The following LAMA4 variants were observed in gnomAD, a reference collection of about 807,000 sequenced individuals.
LAMA4 encodes the protein laminin subunit alpha-4.
A neutral mutation model predicts 207.1 loss-of-function variants in LAMA4; 127 were observed. That is an observed-to-expected ratio of 0.61 (90% CI 0.53 to 0.71). The LOEUF (loss-of-function observed/expected upper bound fraction) is 0.71, where lower values mean the gene tolerates loss of function less well. LAMA4 is among the 30% of genes least tolerant of loss of function. The pLI is 0.00. For synonymous variants in LAMA4, 761 were observed against 816.0 expected (o/e 0.93, Z 1.15); for missense variants, 2,093 against 2,246.5 (o/e 0.93, Z 1.38).
At chr6:112,140,013 C>T (rs558687490) in intron 22 of LAMA4, 128 bp from the exon 23 acceptor site, 203 of 910,104 alleles carry the variant, frequency 2.2e-4, no homozygotes, top group Non-Finnish European at 3.2e-4. Flanking sequence ...TTTCTAGACC[C>T]GAGTGTGTTT....
At chr6:112,159,871 C>T (rs1283942694) in intron 13 of LAMA4, among the ~76,000 whole-genome samples, 1 of 152,120 alleles carries the variant, frequency 6.6e-6, no homozygotes, top group African/African-American at 2.4e-5. Context: ...TGCTCAACTC[C>T]ACCCTTCTTT....
chr6:112,137,134 G>A (rs1554331830), intron 24 of LAMA4, among the ~76,000 whole-genome samples: 1 of 152,102 alleles, frequency 6.6e-6, no homozygotes, highest in Non-Finnish European at 1.5e-5. Context: ...TGATGTTTAA[G>A]AATCAAAGAA....
At chr6:112,229,072 G>T (rs1785396982) in intron 2 of LAMA4, among the ~76,000 whole-genome samples, 1 of 152,134 alleles carries the variant, frequency 6.6e-6, no homozygotes, top group Non-Finnish European at 1.5e-5. Flanking sequence ...AATTTCAAAG[G>T]CTCATTGAAA....
chr6:112,109,320 T>G lies in LAMA4; in HGVS notation c.*117A>C, dbSNP rs936598654. 9.1e-7 allele frequency: 1 copy of G among 1,096,344 alleles called. No homozygotes were observed. The highest frequency in any genetic ancestry group is 1.4e-6 in the Non-Finnish European group (1 of 733,692). 67.9% of individuals were successfully genotyped at this position (1,096,344 alleles called of 1,614,324 possible). On this transcript the variant is annotated 3_prime_UTR_variant, in exon 39 of 39. Transcript: ENST00000230538. Reference sequence around the variant, plus strand: ...GGTCCCTGATGATTCGTTTAAGTCCTGTTCAACTCGATGAAAGCTTCCACC... The same window carrying G: ...GGTCCCTGATGATTCGTTTAAGTCCGGTTCAACTCGATGAAAGCTTCCACC...
At chr6:112,250,593 C>T (rs545201683) in intron 2 of LAMA4, among the ~76,000 whole-genome samples, 1 of 152,292 alleles carries the variant, frequency 6.6e-6, no homozygotes. Flanking sequence ...AATTGTATCC[C>T]TTATTCTATC....
At position 112,172,754 on chromosome 6, in the gene LAMA4, G is replaced by C. The variant is rs782742484; in HGVS notation, c.1408C>G (p.Leu470Val). 1.9e-6 allele frequency: 3 copies of C among 1,614,014 alleles called. No homozygotes were observed. The highest frequency in any genetic ancestry group is 1.3e-5 in the African/African-American group (1 of 74,934). ...AGCTGCTCCAGGACGACAGGAAACA[G>C]AGTGCGGGTCTCATTGTGCAGCCGC... ...WQRLHNETRTLFPVVLEQLDD... is the reference protein window; with the variant it reads ...WQRLHNETRTVFPVVLEQLDD... The change falls in exon 12 of 39, where the codon CTG becomes GTG. Residue 470 changes from leucine (L) to valine (V), a missense_variant. Coordinates refer to ENST00000230538, the MANE Select transcript of LAMA4 (RefSeq NM_001105206.3).
chr6:112,164,118 G>A (rs1781250815), intron 13 of LAMA4: 1 of 152,306 alleles, frequency 6.6e-6, no homozygotes, highest in Non-Finnish European at 1.5e-5. Flanking sequence ...CAGCTGCTCT[G>A]GTATGGCCAT....
At chr6:112,164,059 C>T (rs1424695129) in intron 13 of LAMA4, 1 of 152,266 alleles carries the variant, frequency 6.6e-6, no homozygotes, top group East Asian at 1.9e-4. Context: ...GAAGCCAAGT[C>T]ACCAGGCAGA....
intron 12 of LAMA4, among the ~76,000 whole-genome samples, chr6:112,167,417 A>C (rs1239231556): frequency 6.6e-6 from 1 of 152,144 alleles, no homozygotes; most frequent in Admixed American, 6.5e-5. Flanking sequence ...AACAACAACA[A>C]ACCCACTTAA....
At chr6:112,197,433 G>A (rs1329017330) in intron 5 of LAMA4, among the ~76,000 whole-genome samples, 12 of 152,152 alleles carry the variant, frequency 7.9e-5, no homozygotes, top group African/African-American at 2.7e-4. Context: ...TCGCGAATTT[G>A]CATGTAACAT....
chr6:112,184,997 C>G (rs1326019228), intron 9 of LAMA4, among the ~76,000 whole-genome samples: 3 of 152,308 alleles, frequency 2.0e-5, no homozygotes, highest in Non-Finnish European at 4.4e-5. Context: ...ACCGCAAATA[C>G]ACAGAAAATT....
In LAMA4 at chr6:112,117,697, G is replaced by A; in HGVS notation, c.4981+42C>T. 1.3e-6 allele frequency: 2 copies of A among 1,575,284 alleles called. No individual in the cohort carries two copies. The highest frequency in any genetic ancestry group is 8.7e-7 in the Non-Finnish European group (1 of 1,149,854). On this transcript the variant is annotated intron_variant, in intron 35 of 38. Coordinates refer to ENST00000230538, the MANE Select transcript of LAMA4 (RefSeq NM_001105206.3). This position sits in a 1 kb window ranked among gnomAD's most constrained non-coding sequence, Gnocchi z 4.5. Reference sequence around the variant, plus strand: ...ATTCCCTGTTAGCCATCTCCAGGAAGAAGCATTTCATGACTCATATTTTTA... The same window carrying A: ...ATTCCCTGTTAGCCATCTCCAGGAAAAAGCATTTCATGACTCATATTTTTA...
At chr6:112,226,033 C>T (rs2115105751) in intron 2 of LAMA4, among the ~76,000 whole-genome samples, 1 of 152,260 alleles carries the variant, frequency 6.6e-6, no homozygotes, top group Admixed American at 6.5e-5. Context: ...AGAGTTTATG[C>T]TCTGCCTCTG....
chr6:112,241,140 T>TATATATATTTATATATATATTC (rs1554187579), intron 2 of LAMA4, among the ~76,000 whole-genome samples: 1 of 68,410 alleles, frequency 1.5e-5, no homozygotes, highest in Non-Finnish European at 3.3e-5. Context: ...TATATAGGAA[T>TATATATATTTATATATATATTC]ATATATATGA....
At position 112,243,101 on chromosome 6, in the gene LAMA4, T is replaced by C. The variant is rs9400525; in HGVS notation, c.195+10855A>G. ...CCAGATAGAGTAGGGGGTAGCACCC[T>C]TGGACCCTGGCATGGGAGACCCATG... On this transcript the variant is annotated intron_variant, in intron 2 of 38. Coordinates refer to ENST00000230538, the MANE Select transcript of LAMA4 (RefSeq NM_001105206.3). Among the ~76,000 whole-genome samples the C allele has an allele frequency of 1.2e-3, 189 of 152,284 alleles. 6 individuals are homozygous for C. The East Asian group carries it at 0.029, about 24-fold the overall frequency.
Position 112,190,940 on chromosome 6 carries a change from TTTCTTTCCTTTC to T in LAMA4, c.718+684_718+695del, listed in dbSNP as rs1298183126. Among the ~76,000 whole-genome samples, 374 of 51,494 alleles carry T rather than the reference TTTCTTTCCTTTC, an allele frequency of 7.3e-3. 11 individuals are homozygous for T. The highest frequency in any genetic ancestry group is 0.051 in the East Asian group (84 of 1,648). The allele number at this position is 51,494 out of a possible 152,430, so 33.8% of individuals were successfully genotyped here. A position where few individuals can be genotyped will look rare whatever the true frequency, so the allele number is the denominator to read the frequency against. On this transcript the variant is annotated intron_variant, in intron 6 of 38. Coordinates refer to ENST00000230538, the MANE Select transcript of LAMA4 (RefSeq NM_001105206.3). ...CTTTCTTTCTTTCTTTCTTTCTTTCTTTCTTTCCTTTCTTTCTTTCTTTCTTTCTTTCTTTCT... is the reference window on the plus strand; with the variant it reads ...CTTTCTTTCTTTCTTTCTTTCTTTCTTTTCTTTCTTTCTTTCTTTCTTTCT...
intron 2 of LAMA4, among the ~76,000 whole-genome samples, chr6:112,248,705 A>T (rs1019842993): frequency 2.6e-5 from 4 of 152,128 alleles, no homozygotes; most frequent in African/African-American, 7.2e-5. Context: ...CCTACTTATT[A>T]ATCTAAATCA....
At chr6:112,148,028 T>G in intron 18 of LAMA4, 129 bp downstream of exon 18, 2 of 819,136 alleles carry the variant, frequency 2.4e-6, no homozygotes, top group Non-Finnish European at 4.0e-6. Flanking sequence ...CTTTTCTTTT[T>G]CTAAGCTAAC....
chr6:112,204,996 A>C (rs975482088), intron 4 of LAMA4, among the ~76,000 whole-genome samples: 7 of 152,292 alleles, frequency 4.6e-5, no homozygotes, highest in Middle Eastern at 3.4e-3. Flanking sequence ...TAAGGAAAAA[A>C]CATCGGGGGA....
Sources: gnomAD v4.1 joint callset for allele counts (sites outside exome capture counted in the v4.1 genomes callset) on GRCh38, gnomAD v4.1.1 for gene constraint, Gnocchi (gnomAD v3.1) non-coding constraint, MANE v1.5 for transcripts, NCBI Gene and HGNC (gene_info 2026-07-23, HGNC 2026-07-21) for gene names.